FXYD5: variants seen among roughly 807,000 people sequenced by gnomAD.
FXYD5 encodes FXYD domain containing ion transport regulator 5.
Under a neutral mutation model 25.7 loss-of-function variants are expected in FXYD5, and 21 were observed. The observed-to-expected ratio is 0.82, with a 90% CI of 0.58 to 1.18. The LOEUF is 1.18. FXYD5 is among the 50% of genes most tolerant of loss of function. FXYD5 has a pLI of 0.00. For missense variants in FXYD5, 229 were observed against 227.7 expected (o/e 1.01, Z -0.04); for synonymous variants, 101 against 90.7 (o/e 1.11, Z -0.64).
At chr19:35,156,960 A>G (rs1324557039) in intron 2 of FXYD5, 2 of 164,714 alleles carry the variant, frequency 1.2e-5, no homozygotes, top group Non-Finnish European at 2.6e-5. Context: ...GGAGTTATCC[A>G]GCACTGACCA....
intron 5 of FXYD5, among the ~76,000 whole-genome samples, chr19:35,163,405 AT>A (rs112084586): frequency 0.038 from 5,392 of 140,258 alleles, 114 homozygotes; most frequent in East Asian, 0.085. Context: ...GGAGGTACTG[AT>A]TTTTTTTTTT....
chr19:35,169,799 C>T lies in FXYD5; in HGVS notation c.*184C>T. The T allele has an allele frequency of 1.7e-6, 1 of 597,950 alleles. No homozygotes were observed. Among genetic ancestry groups the T allele is most frequent in the Admixed American group, 2.9e-5 (1 of 34,574 alleles). 37.0% of individuals were successfully genotyped at this position (597,950 alleles called of 1,614,324 possible). ...CTACCTCCCCCAACCCTGCCCGCCC[C>T]TGAAGGCTACCTGGCGCCTTGGGGG... is the stretch of plus-strand genomic sequence containing the variant. On this transcript the variant is annotated 3_prime_UTR_variant, in exon 9 of 9. Coordinates refer to ENST00000392219, the MANE Select transcript of FXYD5 (RefSeq NM_014164.6).
At chr19:35,164,027 C>T in intron 5 of FXYD5, 129 bp from the exon 6 acceptor site, 2 of 1,541,706 alleles carry the variant, frequency 1.3e-6, no homozygotes, top group South Asian at 2.5e-5. Context: ...AGGGGGGATG[C>T]CTGACCCTGC....
At chr19:35,167,640 G>C (rs1455432346) in intron 8 of FXYD5, among the ~76,000 whole-genome samples, 1 of 152,230 alleles carries the variant, frequency 6.6e-6, no homozygotes, top group East Asian at 1.9e-4. Flanking sequence ...CCAATGCCAA[G>C]TTTCATTACC....
At chr19:35,160,897 T>TG in intron 5 of FXYD5, 96 bp downstream of exon 5, 1 of 771,560 alleles carries the variant, frequency 1.3e-6, no homozygotes, top group Non-Finnish European at 2.3e-6. Context: ...TGCCCCTGTT[T>TG]GGGGAATTGT....
chr19:35,166,232 T>A lies in FXYD5; in HGVS notation c.413-19T>A. The stretch of plus-strand genomic sequence containing the variant: ...GGTGAGGTCCGTCTGACTCTACCCC[T>A]TCATTTTTCTCTCTGCAGATGAACA... On this transcript the variant is annotated intron_variant, in intron 7 of 8. Coordinates refer to ENST00000392219, the MANE Select transcript of FXYD5 (RefSeq NM_014164.6). The A allele has an allele frequency of 6.2e-7, 1 of 1,611,530 alleles. No individual in the cohort carries two copies. Among genetic ancestry groups the A allele is most frequent in the Non-Finnish European group, 8.5e-7 (1 of 1,177,680 alleles).
chr19:35,159,766 A>G, intron 4 of FXYD5: 1 of 1,216,680 alleles, frequency 8.2e-7, no homozygotes, highest in Non-Finnish European at 1.1e-6. Flanking sequence ...CAGACAAGGA[A>G]ACAGAGGCTG....
intron 5 of FXYD5, among the ~76,000 whole-genome samples, chr19:35,163,883 TGGGCCAGAA>T (rs2065427237): frequency 6.6e-6 from 1 of 152,168 alleles, no homozygotes; most frequent in Admixed American, 6.5e-5. Flanking sequence ...GATTATAGTG[TGGGCCAGAA>T]GGTCCTAGGA....
rs575377958 is a variant in FXYD5 at position 35,158,433 on chromosome 19, G to A, written c.199+33G>A. On this transcript the variant is annotated intron_variant, in intron 4 of 8. Coordinates refer to ENST00000392219, the MANE Select transcript of FXYD5 (RefSeq NM_014164.6). Reference sequence around the variant, plus strand: ...GTGCAGGGGCAGGCGGCGGGGACAGGACCAAGACAAACAAAGTTTCCCCTC... The same window carrying A: ...GTGCAGGGGCAGGCGGCGGGGACAGAACCAAGACAAACAAAGTTTCCCCTC... 2.1e-5 allele frequency: 28 copies of A among 1,335,258 alleles called. No individual in the cohort carries two copies. The South Asian group carries it at 2.6e-4, about 12-fold the overall frequency. 82.7% of individuals were successfully genotyped at this position (1,335,258 alleles called of 1,614,324 possible).
Position 35,165,087 on chromosome 19 carries a change from G to A in FXYD5, c.382+842G>A, listed in dbSNP as rs56058408. ...AATGTTCCAGTGGGCATTTCCTTTC[G>A]GTGTCATGTCAGACTGTTACTGGAA... On this transcript the variant is annotated intron_variant, in intron 6 of 8. Coordinates refer to ENST00000392219, the MANE Select transcript of FXYD5 (RefSeq NM_014164.6). 8.3e-4 allele frequency among the ~76,000 whole-genome samples: 127 copies of A among 152,108 alleles called. 2 individuals carry two copies. Among genetic ancestry groups the A allele is most frequent in the Middle Eastern group, 3.4e-3 (1 of 294 alleles).
chr19:35,168,831 G>C (rs1408591285), intron 8 of FXYD5, among the ~76,000 whole-genome samples: 1 of 152,186 alleles, frequency 6.6e-6, no homozygotes, highest in Non-Finnish European at 1.5e-5. Context: ...GGGAGGCTGA[G>C]GCAGGTGGAT....
chr19:35,156,282 A>G (rs1211028219), intron 2 of FXYD5, among the ~76,000 whole-genome samples: 6 of 152,194 alleles, frequency 3.9e-5, no homozygotes, highest in Non-Finnish European at 8.8e-5. Context: ...GCCCCACTGA[A>G]GGCGCCCTCA....
intron 8 of FXYD5, among the ~76,000 whole-genome samples, chr19:35,167,532 G>T (rs2065461646): frequency 6.6e-6 from 1 of 152,190 alleles, no homozygotes; most frequent in Non-Finnish European, 1.5e-5. Flanking sequence ...GAAGTTGTGG[G>T]GAAAGGCAGA....
intron 5 of FXYD5, among the ~76,000 whole-genome samples, chr19:35,161,952 A>G (rs2065410047): frequency 6.6e-6 from 1 of 152,240 alleles, no homozygotes; most frequent in South Asian, 2.1e-4. Context: ...TCATTCTTAC[A>G]GAATCTATCT....
chr19:35,159,709 C>T (rs1003266085), intron 4 of FXYD5: 1 of 1,469,622 alleles, frequency 6.8e-7, no homozygotes, highest in Non-Finnish European at 9.0e-7. Context: ...CTCATTCAAC[C>T]TTCACGCAAA....
intron 1 of FXYD5, chr19:35,155,113 C>G (rs2065340513): frequency 5.0e-6 from 1 of 199,214 alleles, no homozygotes. Context: ...GCGTTACTCA[C>G]TCTTCCTCCT....
chr19:35,157,912 G>A (rs2065371516), intron 3 of FXYD5, among the ~76,000 whole-genome samples: 1 of 152,200 alleles, frequency 6.6e-6, no homozygotes, highest in Non-Finnish European at 1.5e-5. Flanking sequence ...AAGCTGATTG[G>A]CCAGGCCTGG....
chr19:35,165,133 C>T (rs1224215814), intron 6 of FXYD5, among the ~76,000 whole-genome samples: 1 of 152,116 alleles, frequency 6.6e-6, no homozygotes, highest in Admixed American at 6.5e-5. Flanking sequence ...ATCCAGACCC[C>T]AAGAAAGGGC....
At chr19:35,157,604 A>C (rs1245000948) in intron 3 of FXYD5, 103 bp downstream of exon 3, 5 of 677,118 alleles carry the variant, frequency 7.4e-6, no homozygotes, top group Non-Finnish European at 1.1e-5. Context: ...GATTTATGTA[A>C]CGAAAAAGTC....
Sources: gnomAD v4.1 joint callset for allele counts (sites outside exome capture counted in the v4.1 genomes callset) on GRCh38, gnomAD v4.1.1 for gene constraint, MANE v1.5 for transcripts, NCBI Gene and HGNC (gene_info 2026-07-23, HGNC 2026-07-21) for gene names.